The following EYS variants were observed in gnomAD, a reference collection of about 807,000 sequenced individuals.
EYS encodes EGF-like photoreceptor maintenance factor, also known as protein eyes shut homolog.
EYS carries 250 observed loss-of-function variants against 282.1 expected under a neutral mutation model. That is an observed-to-expected ratio of 0.89 (90% CI 0.80 to 0.98). The LOEUF (loss-of-function observed/expected upper bound fraction) is 0.98, where lower values mean the gene tolerates loss of function less well. EYS is among the 50% of genes least tolerant of loss of function. The pLI is 0.00. For synonymous variants in EYS, 1,355 were observed against 1,282.9 expected (o/e 1.06, Z -1.20); for missense variants, 4,016 against 3,709.0 (o/e 1.08, Z -2.15).
At chr6:63,782,890 C>T (rs1291409384) in intron 39 of EYS, among the ~76,000 whole-genome samples, 2 of 149,812 alleles carry the variant, frequency 1.3e-5, no homozygotes, top group African/African-American at 4.9e-5. Flanking sequence ...TGGCATTTAG[C>T]CAACCATTTG....
intron 12 of EYS, among the ~76,000 whole-genome samples, chr6:65,234,593 C>T (rs946972366): frequency 2.0e-5 from 3 of 152,172 alleles, no homozygotes; most frequent in African/African-American, 7.2e-5. Flanking sequence ...TATTTAACAT[C>T]TCCTTTCTTA....
chr6:65,115,774 A>T (rs977933341), intron 12 of EYS, among the ~76,000 whole-genome samples: 2 of 116,528 alleles, frequency 1.7e-5, no homozygotes, highest in African/African-American at 8.2e-5. Context: ...GATAAAAGAC[A>T]TAGATTAGAT....
chr6:64,762,983 T>A (rs947482144), intron 22 of EYS, among the ~76,000 whole-genome samples: 50 of 152,208 alleles, frequency 3.3e-4, no homozygotes, highest in African/African-American at 1.2e-3. Flanking sequence ...ATAAAGTTAT[T>A]GAAAGTAACT....
chr6:64,468,530 G>T (rs925954670), intron 26 of EYS, among the ~76,000 whole-genome samples: 1 of 152,152 alleles, frequency 6.6e-6, no homozygotes, highest in Non-Finnish European at 1.5e-5. Flanking sequence ...ATGTTCAGGG[G>T]TACGTGTGCA....
chr6:64,182,996 C>A (rs1764832926), intron 31 of EYS, among the ~76,000 whole-genome samples: 1 of 152,110 alleles, frequency 6.6e-6, no homozygotes. Context: ...CCCATAATCC[C>A]AACATGTCAC....
intron 29 of EYS, among the ~76,000 whole-genome samples, chr6:64,376,224 A>G (rs966350809): frequency 3.3e-5 from 5 of 152,170 alleles, no homozygotes; most frequent in African/African-American, 1.2e-4. Flanking sequence ...AAGTTAACTC[A>G]GACTTAATTG....
intron 28 of EYS, among the ~76,000 whole-genome samples, chr6:64,433,836 C>A (rs2150461805): frequency 6.6e-6 from 1 of 152,070 alleles, no homozygotes; most frequent in Non-Finnish European, 1.5e-5. Flanking sequence ...TTAGTAAAAA[C>A]AATGATCAGG....
chr6:65,397,750 C>T (rs750366823), intron 7 of EYS, among the ~76,000 whole-genome samples: 4 of 151,744 alleles, frequency 2.6e-5, no homozygotes, highest in Non-Finnish European at 4.4e-5. Context: ...TATAATGATT[C>T]CTTTTCTTTT....
intron 36 of EYS, among the ~76,000 whole-genome samples, chr6:63,831,306 T>C (rs1771630153): frequency 6.6e-6 from 1 of 152,186 alleles, no homozygotes; most frequent in African/African-American, 2.4e-5. Context: ...ATCAGTGTGC[T>C]GTACTCAGGA....
Position 65,384,600 on chromosome 6 carries a change from A to G in EYS, c.1185-100T>C, listed in dbSNP as rs1765732970. On this transcript the variant is annotated intron_variant, in intron 7 of 42. Coordinates refer to ENST00000503581, the MANE Select transcript of EYS (RefSeq NM_001142800.2). ...AAAGGAATAAGGCTTTGTTTAAATT[A>G]TATGGTATTATTAATCATTTTTTAA... 3 of 669,030 alleles carry G rather than the reference A, an allele frequency of 4.5e-6. No individual in the cohort carries two copies. In the South Asian group the frequency reaches 5.2e-5, roughly 12 times the overall value. The allele number at this position is 669,030 out of a possible 1,614,324, so 41.4% of individuals were successfully genotyped here. A position where few individuals can be genotyped will look rare whatever the true frequency, so the allele number is the denominator to read the frequency against.
At chr6:65,300,975 A>G (rs1414409997) in intron 11 of EYS, 1 of 152,242 alleles carries the variant, frequency 6.6e-6, no homozygotes, top group Non-Finnish European at 1.5e-5. Context: ...TCAGGAGTTT[A>G]ACTGTGTGCT....
At chr6:64,851,793 T>C (rs900059331) in intron 19 of EYS, among the ~76,000 whole-genome samples, 3 of 151,966 alleles carry the variant, frequency 2.0e-5, no homozygotes, top group African/African-American at 7.2e-5. Context: ...GTGTGGCTTT[T>C]CAGAGGGTGG....
intron 13 of EYS, among the ~76,000 whole-genome samples, chr6:65,038,282 C>T (rs538819402): frequency 4.0e-5 from 6 of 151,642 alleles, no homozygotes; most frequent in East Asian, 3.9e-4. Flanking sequence ...CCAATCAACA[C>T]TGTTACTTGG....
intron 22 of EYS, among the ~76,000 whole-genome samples, chr6:64,707,927 G>A (rs1327619008): frequency 6.6e-6 from 1 of 151,888 alleles, no homozygotes; most frequent in Non-Finnish European, 1.5e-5. Flanking sequence ...GTATGAAAGG[G>A]ACTATGAAGT....
intron 36 of EYS, among the ~76,000 whole-genome samples, chr6:63,820,741 A>G (rs1460935013): frequency 6.6e-6 from 1 of 152,070 alleles, no homozygotes; most frequent in African/African-American, 2.4e-5. Flanking sequence ...CATCAATTGT[A>G]CTCTCATATA....
At chr6:63,952,160 T>G (rs2149766711) in intron 35 of EYS, among the ~76,000 whole-genome samples, 1 of 152,316 alleles carries the variant, frequency 6.6e-6, no homozygotes, top group South Asian at 2.1e-4. Flanking sequence ...CAGGACCTCC[T>G]CCATCAGGAT....
rs564186908 is a variant in EYS at position 65,197,624 on chromosome 6, A to G, written c.2023+98239T>C. 5.9e-5 allele frequency among the ~76,000 whole-genome samples: 9 copies of G among 152,276 alleles called. No individual in the cohort carries two copies. The South Asian group carries it at 1.9e-3, about 32-fold the overall frequency. ...GAGAAGTGCATCCTTTAGTGATTTCATCACTGTGCAAACATTATAGAGTGT... is the reference window on the plus strand; with the variant it reads ...GAGAAGTGCATCCTTTAGTGATTTCGTCACTGTGCAAACATTATAGAGTGT... On this transcript the variant is annotated intron_variant, in intron 12 of 42. Coordinates refer to ENST00000503581, the MANE Select transcript of EYS (RefSeq NM_001142800.2).
At chr6:65,026,778 G>A (rs371823744) in intron 13 of EYS, among the ~76,000 whole-genome samples, 31 of 152,144 alleles carry the variant, frequency 2.0e-4, no homozygotes, top group Admixed American at 1.2e-3. Flanking sequence ...TTAGCTGGGC[G>A]TGGTGGCGGG....
chr6:65,024,014 T>A (rs1034235604), intron 13 of EYS, among the ~76,000 whole-genome samples: 3 of 152,196 alleles, frequency 2.0e-5, no homozygotes, highest in Non-Finnish European at 2.9e-5. Context: ...TCCTACTACA[T>A]GCCATAGCCC....
Sources: gnomAD v4.1 joint callset for allele counts (sites outside exome capture counted in the v4.1 genomes callset) on GRCh38, gnomAD v4.1.1 for gene constraint, MANE v1.5 for transcripts, NCBI Gene and HGNC (gene_info 2026-07-23, HGNC 2026-07-21) for gene names.